PCDHA2: variants seen among roughly 807,000 people sequenced by gnomAD.
PCDHA2 encodes protocadherin alpha 2.
A neutral mutation model predicts 66.0 loss-of-function variants in PCDHA2; 58 were observed. The ratio of observed to expected loss-of-function variants is 0.88; its 90% CI spans 0.71 to 1.09. PCDHA2 has a LOEUF of 1.09. Ranked by LOEUF, PCDHA2 falls within the 50% of genes least tolerant of loss-of-function variation. The pLI, the probability that PCDHA2 is intolerant of heterozygous loss-of-function variation, is 0.00. For missense variants in PCDHA2, 1,267 were observed against 1,242.3 expected (o/e 1.02, Z -0.30); for synonymous variants, 634 against 554.0 (o/e 1.14, Z -2.03).
intron 1 of PCDHA2, chr5:140,855,848 A>G: frequency 1.5e-6 from 1 of 662,286 alleles, no homozygotes; most frequent in South Asian, 2.3e-5. Context: ...ACCTAAAGCC[A>G]CCGGATGTCG....
At chr5:140,800,398 C>T (rs1297810590) in intron 1 of PCDHA2, among the ~76,000 whole-genome samples, 1 of 152,046 alleles carries the variant, frequency 6.6e-6, no homozygotes, top group African/African-American at 2.4e-5. Flanking sequence ...ATTTAAAAAA[C>T]CATAAATGTA....
At chr5:140,864,428 A>G (rs1459039146) in intron 1 of PCDHA2, 2 of 152,138 alleles carry the variant, frequency 1.3e-5, no homozygotes, top group Non-Finnish European at 2.9e-5. Context: ...TCGTCCACAA[A>G]CAATTTTGTT....
chr5:140,955,284 T>C (rs1207930664), intron 1 of PCDHA2, among the ~76,000 whole-genome samples: 1 of 152,170 alleles, frequency 6.6e-6, no homozygotes, highest in African/African-American at 2.4e-5. Context: ...CATATTGATA[T>C]GGTTTGGCTG....
chr5:140,853,755 C>A, intron 1 of PCDHA2: 3 of 988,492 alleles, frequency 3.0e-6, no homozygotes, highest in Non-Finnish European at 3.7e-6. Flanking sequence ...CAAGGCTCCA[C>A]CTCAGAAATT....
chr5:140,851,076 A>C (rs782314087), intron 1 of PCDHA2: 1 of 1,337,516 alleles, frequency 7.5e-7, no homozygotes, highest in Non-Finnish European at 9.8e-7. Flanking sequence ...AGAATTATAA[A>C]CTGTATATTA....
At chr5:140,974,712 G>C (rs999445044) in intron 1 of PCDHA2, among the ~76,000 whole-genome samples, 1 of 152,076 alleles carries the variant, frequency 6.6e-6, no homozygotes, top group African/African-American at 2.4e-5. Flanking sequence ...TGTTGTTCAA[G>C]CTGCTCTCGA....
intron 1 of PCDHA2, among the ~76,000 whole-genome samples, chr5:140,905,700 A>G (rs926526227): frequency 3.9e-5 from 6 of 152,136 alleles, no homozygotes; most frequent in Non-Finnish European, 5.9e-5. Context: ...TGTGTCATTT[A>G]TGATTTCCTT....
chr5:140,898,887 C>T (rs1554188288), intron 1 of PCDHA2, among the ~76,000 whole-genome samples: 1 of 152,028 alleles, frequency 6.6e-6, no homozygotes, highest in Non-Finnish European at 1.5e-5. Context: ...TTGTAGTTCT[C>T]CTTGAAGAGG....
At chr5:140,820,915 C>A (rs1258201028) in intron 1 of PCDHA2, among the ~76,000 whole-genome samples, 5 of 151,742 alleles carry the variant, frequency 3.3e-5, no homozygotes, top group Non-Finnish European at 7.4e-5. Context: ...TTCTATTATG[C>A]TTTTGATTTC....
At chr5:140,972,622 T>C (rs1554234253) in intron 1 of PCDHA2, among the ~76,000 whole-genome samples, 1 of 151,940 alleles carries the variant, frequency 6.6e-6, no homozygotes, top group African/African-American at 2.4e-5. Flanking sequence ...CTGAATGTTG[T>C]TGGCACTCCC....
In PCDHA2 at chr5:140,795,413, C is replaced by G; in HGVS notation, c.449C>G (p.Ser150Cys). 6.2e-7 allele frequency: 1 copy of G among 1,614,192 alleles called. No individual in the cohort carries two copies. Among genetic ancestry groups the G allele is most frequent in the Non-Finnish European group, 8.5e-7 (1 of 1,180,034 alleles). Residue 150 changes from serine (S) to cysteine (C), a missense_variant, in exon 1 of 4, where the codon TCT becomes TGT. Coordinates refer to ENST00000526136, the MANE Select transcript of PCDHA2 (RefSeq NM_018905.3). ...IRFPESRLLD[S>C]RFPLEGASDA... ...TTTCCCGAATCAAGGCTGCTTGATTCTCGGTTTCCTCTAGAGGGAGCATCT... is the reference window on the plus strand; with the variant it reads ...TTTCCCGAATCAAGGCTGCTTGATTGTCGGTTTCCTCTAGAGGGAGCATCT...
intron 3 of PCDHA2, among the ~76,000 whole-genome samples, chr5:140,986,402 A>G (rs782590214): frequency 6.6e-6 from 1 of 152,192 alleles, no homozygotes; most frequent in Non-Finnish European, 1.5e-5. Context: ...CCAGTCGCTC[A>G]TGTTACAGCT....
intron 1 of PCDHA2, among the ~76,000 whole-genome samples, chr5:140,905,589 G>T (rs1336272963): frequency 4.6e-5 from 7 of 152,084 alleles, no homozygotes; most frequent in African/African-American, 1.7e-4. Context: ...ATGATATTTT[G>T]CTGGGAATTG....
At chr5:140,875,543 G>A in intron 1 of PCDHA2, 1 of 1,614,164 alleles carries the variant, frequency 6.2e-7, no homozygotes, top group Non-Finnish European at 8.5e-7. Flanking sequence ...CTTGCAGCCT[G>A]GGAGGTGGGG....
At chr5:140,904,443 A>G (rs1345999576) in intron 1 of PCDHA2, among the ~76,000 whole-genome samples, 8 of 151,082 alleles carry the variant, frequency 5.3e-5, no homozygotes, top group African/African-American at 1.5e-4. Flanking sequence ...GTATATTACA[A>G]TTTCTTTATA....
chr5:140,819,581 T>A (rs1766585866), intron 1 of PCDHA2, among the ~76,000 whole-genome samples: 3 of 152,184 alleles, frequency 2.0e-5, no homozygotes, highest in Admixed American at 6.5e-5. Flanking sequence ...GAAGATTTTT[T>A]AAAATGTTCT....
chr5:140,904,156 G>C (rs1554191312), intron 1 of PCDHA2, among the ~76,000 whole-genome samples: 1 of 152,028 alleles, frequency 6.6e-6, no homozygotes, highest in Non-Finnish European at 1.5e-5. Flanking sequence ...ATTGCACCCA[G>C]TTTGTAGTCT....
intron 1 of PCDHA2, chr5:140,856,534 A>G (rs782489948): frequency 6.3e-7 from 1 of 1,598,482 alleles, no homozygotes; most frequent in Non-Finnish European, 8.6e-7. Context: ...CGGATGTTGG[A>G]GAGAACGCAT....
intron 1 of PCDHA2, 149 bp from the exon 2 acceptor site, chr5:140,978,800 T>C: frequency 6.8e-7 from 1 of 1,480,668 alleles, no homozygotes; most frequent in South Asian, 1.4e-5. Flanking sequence ...TATATGTAGA[T>C]ATCATCATAG....
Sources: gnomAD v4.1 joint callset for allele counts (sites outside exome capture counted in the v4.1 genomes callset) on GRCh38, gnomAD v4.1.1 for gene constraint, MANE v1.5 for transcripts, NCBI Gene and HGNC (gene_info 2026-07-23, HGNC 2026-07-21) for gene names.